The following SPMAP1 variants were observed in gnomAD, a reference collection of about 807,000 sequenced individuals.
The protein encoded by SPMAP1 is sperm microtubule associated protein 1, also known as uncharacterized protein C17orf98.
the SPMAP1 span, among the ~76,000 whole-genome samples, chr17:38,837,749 C>T: frequency 6.6e-6 from 1 of 151,888 alleles, no homozygotes; most frequent in African/African-American, 2.4e-5. Context: ...GGCAGTTGAG[C>T]TTGGCAGCTG....
chr17:38,835,749 A>T, the SPMAP1 span, among the ~76,000 whole-genome samples: 2 of 152,196 alleles, frequency 1.3e-5, no homozygotes, highest in African/African-American at 2.4e-5. Context: ...GTATCATGTG[A>T]CTAGAGGAGT....
At chr17:38,839,977 G>A in the SPMAP1 span, among the ~76,000 whole-genome samples, 2 of 152,120 alleles carry the variant, frequency 1.3e-5, no homozygotes, top group East Asian at 3.9e-4. Flanking sequence ...TCCCCACACC[G>A]CTTATACGTA....
chr17:38,835,224 C>G, the SPMAP1 span: 1 of 1,614,206 alleles, frequency 6.2e-7, no homozygotes, highest in South Asian at 1.1e-5. Flanking sequence ...TCTCCGAAGA[C>G]GGACGTGCTC....
the SPMAP1 span, among the ~76,000 whole-genome samples, chr17:38,835,536 G>A: frequency 6.6e-6 from 1 of 152,180 alleles, no homozygotes; most frequent in Non-Finnish European, 1.5e-5. Context: ...AGGGGCAGAA[G>A]GCTTCCTAGA....
chr17:38,837,314 C>T, the SPMAP1 span: 1 of 990,368 alleles, frequency 1.0e-6, no homozygotes. Context: ...TGCAAACTGC[C>T]CTGGGGTTTG....
the SPMAP1 span, among the ~76,000 whole-genome samples, chr17:38,836,360 G>T: frequency 6.6e-6 from 1 of 152,026 alleles, no homozygotes; most frequent in Non-Finnish European, 1.5e-5. Context: ...CAGCACTTTG[G>T]GAGGCTGAGG....
the SPMAP1 span, among the ~76,000 whole-genome samples, chr17:38,837,677 TAA>T: frequency 3.1e-4 from 35 of 111,266 alleles, no homozygotes; most frequent in Non-Finnish European, 4.0e-4. Context: ...AAACTCCATC[TAA>T]AAAAAAAAAA....
the SPMAP1 span, among the ~76,000 whole-genome samples, chr17:38,838,821 A>C: frequency 2.4e-4 from 36 of 152,082 alleles, no homozygotes; most frequent in Middle Eastern, 3.4e-3. Context: ...GCGGTGGCCC[A>C]CGCCTGTAAT....
chr17:38,836,595 T>A, the SPMAP1 span, among the ~76,000 whole-genome samples: 1 of 141,250 alleles, frequency 7.1e-6, no homozygotes, highest in African/African-American at 2.7e-5. Context: ...CTTTTTTTTT[T>A]TTTTTTTTTT....
the SPMAP1 span, among the ~76,000 whole-genome samples, chr17:38,840,992 G>T: frequency 6.6e-6 from 1 of 151,526 alleles, no homozygotes; most frequent in African/African-American, 2.4e-5. Context: ...GAGCCAAGAT[G>T]GTGCCACTCA....
the SPMAP1 span, among the ~76,000 whole-genome samples, chr17:38,837,399 G>C: frequency 6.6e-4 from 101 of 152,132 alleles, no homozygotes; most frequent in African/African-American, 2.3e-3. Flanking sequence ...GAACCAGACC[G>C]GGTGCAGTGG....
the SPMAP1 span, among the ~76,000 whole-genome samples, chr17:38,840,883 G>T: frequency 6.6e-6 from 1 of 151,644 alleles, no homozygotes; most frequent in Non-Finnish European, 1.5e-5. Context: ...TGGCGCGCCT[G>T]TAACCCCAGC....
At chr17:38,836,826 C>G in the SPMAP1 span, among the ~76,000 whole-genome samples, 5 of 151,802 alleles carry the variant, frequency 3.3e-5, no homozygotes, top group Non-Finnish European at 7.4e-5. Flanking sequence ...GAACTCCTGA[C>G]CTCAAGTGAT....
the SPMAP1 span, among the ~76,000 whole-genome samples, chr17:38,840,922 C>T: frequency 6.6e-6 from 1 of 151,808 alleles, no homozygotes; most frequent in African/African-American, 2.4e-5. Flanking sequence ...AGGAGAATCG[C>T]TTGAACCCGG....
the SPMAP1 span, among the ~76,000 whole-genome samples, chr17:38,837,583 C>T: frequency 1.3e-5 from 2 of 150,556 alleles, no homozygotes; most frequent in South Asian, 2.1e-4. Context: ...GAGGCTGAGG[C>T]GGTACAATTG....
chr17:38,836,577 CTTTCTTTCTT>C, the SPMAP1 span, among the ~76,000 whole-genome samples: 9 of 89,194 alleles, frequency 1.0e-4, no homozygotes, highest in East Asian at 6.5e-4. Context: ...TTCTTTCTTT[CTTTCTTTCTT>C]TTTTTTTTTT....
At chr17:38,841,068 A>G in the SPMAP1 span, 1 of 662,222 alleles carries the variant, frequency 1.5e-6, no homozygotes, top group Non-Finnish European at 2.5e-6. Context: ...ATAAAAATTT[A>G]AAAAAGAAAA....
chr17:38,840,010 A>C, the SPMAP1 span, among the ~76,000 whole-genome samples: 1 of 152,096 alleles, frequency 6.6e-6, no homozygotes, highest in African/African-American at 2.4e-5. Context: ...CTGGAAGCAA[A>C]ATGTTGGGGG....
chr17:38,841,011 C>T, the SPMAP1 span, among the ~76,000 whole-genome samples: 8 of 151,980 alleles, frequency 5.3e-5, no homozygotes, highest in Non-Finnish European at 1.2e-4. Context: ...CACTACGCTC[C>T]AGCCTGGGCG....
Sources: gnomAD v4.1 joint callset for allele counts (sites outside exome capture counted in the v4.1 genomes callset) on GRCh38, gnomAD v4.1.1 for gene constraint, MANE v1.5 for transcripts, NCBI Gene and HGNC (gene_info 2026-07-23, HGNC 2026-07-21) for gene names.